Variants in LHFPL3 observed in about 807,000 individuals in gnomAD.
LHFPL3 encodes LHFPL tetraspan subfamily member 3, also known as LHFPL tetraspan subfamily member 3 protein.
LHFPL3 carries 5 observed loss-of-function variants against 19.3 expected under a neutral mutation model. The observed-to-expected ratio is 0.26, with a 90% CI of 0.14 to 0.54. The LOEUF (loss-of-function observed/expected upper bound fraction) is 0.54, where lower values mean the gene tolerates loss of function less well. LHFPL3 is among the 20% of genes least tolerant of loss of function. LHFPL3 has a pLI of 0.94. For missense variants in LHFPL3, 249 were observed against 307.4 expected (o/e 0.81, Z 1.42); for synonymous variants, 133 against 126.2 (o/e 1.05, Z -0.36).
At chr7:104,583,469 T>C (rs1480440356) in intron 1 of LHFPL3, among the ~76,000 whole-genome samples, 2 of 152,122 alleles carry the variant, frequency 1.3e-5, no homozygotes, top group Non-Finnish European at 2.9e-5. Flanking sequence ...TGGGATCTAA[T>C]TAAACTAAAG....
chr7:104,591,706 G>C (rs1370211520), intron 1 of LHFPL3, among the ~76,000 whole-genome samples: 2 of 151,312 alleles, frequency 1.3e-5, no homozygotes, highest in Non-Finnish European at 3.0e-5. Flanking sequence ...GTCCTGAAGA[G>C]TGTTTTCCAA....
At chr7:104,874,006 A>G (rs1004560977) in intron 2 of LHFPL3, among the ~76,000 whole-genome samples, 2 of 152,250 alleles carry the variant, frequency 1.3e-5, no homozygotes, top group Non-Finnish European at 2.9e-5. Context: ...AAACTGGCCC[A>G]TGGGGTCTTC....
chr7:104,558,989 T>C (rs1052769928), intron 1 of LHFPL3, among the ~76,000 whole-genome samples: 23 of 148,998 alleles, frequency 1.5e-4, no homozygotes, highest in African/African-American at 5.5e-4. Flanking sequence ...CAGATAGTTG[T>C]AGATATGTGG....
intron 2 of LHFPL3, among the ~76,000 whole-genome samples, chr7:104,803,173 C>G (rs974152275): frequency 6.6e-6 from 1 of 152,228 alleles, no homozygotes; most frequent in African/African-American, 2.4e-5. Flanking sequence ...AGATCCAGAT[C>G]CAACATACCA....
At chr7:104,748,998 T>C (rs1794104580) in intron 2 of LHFPL3, among the ~76,000 whole-genome samples, 1 of 152,272 alleles carries the variant, frequency 6.6e-6, no homozygotes, top group African/African-American at 2.4e-5. Flanking sequence ...AACATTCTTT[T>C]ACTATTTAAG....
intron 1 of LHFPL3, among the ~76,000 whole-genome samples, chr7:104,429,668 A>T (rs1243820130): frequency 6.6e-6 from 1 of 151,856 alleles, no homozygotes. Context: ...TAGCATCACA[A>T]CTTAGGCTAT....
chr7:104,364,992 T>C (rs1790456749), intron 1 of LHFPL3, among the ~76,000 whole-genome samples: 1 of 152,106 alleles, frequency 6.6e-6, no homozygotes, highest in Admixed American at 6.5e-5. Context: ...TTCTACCATT[T>C]AAAGGTTGTG....
At chr7:104,886,912 T>TCCCGGGGTC (rs1185369055) in intron 2 of LHFPL3, among the ~76,000 whole-genome samples, 7 of 152,186 alleles carry the variant, frequency 4.6e-5, no homozygotes, top group African/African-American at 7.2e-5. Flanking sequence ...CTTTAAGTCC[T>TCCCGGGGTC]CCCGGGGTCC....
chr7:104,470,380 G>C (rs2115612722), intron 1 of LHFPL3, among the ~76,000 whole-genome samples: 1 of 152,272 alleles, frequency 6.6e-6, no homozygotes, highest in East Asian at 1.9e-4. Flanking sequence ...GCAAGCCTCT[G>C]TTTCCCACAT....
intron 1 of LHFPL3, among the ~76,000 whole-genome samples, chr7:104,539,496 G>A (rs1287066956): frequency 6.6e-6 from 1 of 152,148 alleles, no homozygotes; most frequent in African/African-American, 2.4e-5. Context: ...AATATCTTAT[G>A]TTGACTTCGA....
At position 104,491,831 on chromosome 7, in the gene LHFPL3, AT is replaced by A. The variant is rs113902224; in HGVS notation, c.445+162611del. On this transcript the variant is annotated intron_variant, in intron 1 of 2. Transcript: ENST00000424859. ...ATATACCCAAAATAATCAATAAAAC[AT>A]TTTCCCATCCAAATTAAAATGACCA... is the stretch of plus-strand genomic sequence containing the variant. Among the ~76,000 whole-genome samples, 1,160 of 152,354 alleles carry A rather than the reference AT, an allele frequency of 7.6e-3. 14 individuals carry two copies. The highest frequency in any genetic ancestry group is 0.024 in the African/African-American group (995 of 41,576).
At chr7:104,841,711 T>A (rs1212362136) in intron 2 of LHFPL3, among the ~76,000 whole-genome samples, 1 of 152,180 alleles carries the variant, frequency 6.6e-6, no homozygotes, top group East Asian at 1.9e-4. Context: ...TTACTAGCTA[T>A]GATATAAAAC....
chr7:104,686,918 G>A (rs1488669528), intron 1 of LHFPL3, among the ~76,000 whole-genome samples: 1 of 152,194 alleles, frequency 6.6e-6, no homozygotes, highest in East Asian at 1.9e-4. Context: ...GCAGGGAAAA[G>A]CCTGTTATAA....
At chr7:104,345,219 A>G (rs758977753) in intron 1 of LHFPL3, among the ~76,000 whole-genome samples, 5 of 152,210 alleles carry the variant, frequency 3.3e-5, no homozygotes, top group Non-Finnish European at 5.9e-5. Context: ...ATATATTCAC[A>G]TAATAGTGTA....
intron 2 of LHFPL3, among the ~76,000 whole-genome samples, chr7:104,770,218 C>T (rs1450718226): frequency 6.6e-6 from 1 of 152,002 alleles, no homozygotes; most frequent in African/African-American, 2.4e-5. Context: ...ATCACTTCCT[C>T]TGAATGCCAT....
At chr7:104,611,300 T>C (rs1481120582) in intron 1 of LHFPL3, among the ~76,000 whole-genome samples, 2 of 152,242 alleles carry the variant, frequency 1.3e-5, no homozygotes, top group Non-Finnish European at 2.9e-5. Context: ...TTGAGACTTC[T>C]GCAGATTAGA....
At chr7:104,489,415 A>G (rs1261918373) in intron 1 of LHFPL3, among the ~76,000 whole-genome samples, 1 of 151,956 alleles carries the variant, frequency 6.6e-6, no homozygotes, top group African/African-American at 2.4e-5. Flanking sequence ...CTTGCAAATT[A>G]TCTTGCAGAT....
At chr7:104,669,846 G>C (rs890630129) in intron 1 of LHFPL3, among the ~76,000 whole-genome samples, 1 of 152,218 alleles carries the variant, frequency 6.6e-6, no homozygotes, top group African/African-American at 2.4e-5. Flanking sequence ...CCATGCAGTT[G>C]CCAGTGTGAT....
At chr7:104,772,799 A>G (rs1794576012) in intron 2 of LHFPL3, among the ~76,000 whole-genome samples, 1 of 152,232 alleles carries the variant, frequency 6.6e-6, no homozygotes, top group African/African-American at 2.4e-5. Context: ...TGCATGCTCA[A>G]TGGGGAAGAC....
Sources: allele counts gnomAD v4.1 joint callset (sites outside exome capture counted in the v4.1 genomes callset), GRCh38; gene constraint gnomAD v4.1.1; transcripts MANE v1.5; gene names NCBI Gene and HGNC (gene_info 2026-07-23, HGNC 2026-07-21).